Variants in ADAM8 observed in about 807,000 individuals in gnomAD.
ADAM8 encodes the protein ADAM metallopeptidase domain 8.
Under a neutral mutation model 102.4 loss-of-function variants are expected in ADAM8, and 104 were observed. That is an observed-to-expected ratio of 1.02 (90% CI 0.87 to 1.20). ADAM8 has a LOEUF of 1.20. Ranked by LOEUF, ADAM8 falls within the 50% of genes most tolerant of loss-of-function variation. The pLI is 0.00. For missense variants in ADAM8, 1,132 were observed against 1,159.0 expected (o/e 0.98, Z 0.34); for synonymous variants, 517 against 485.2 (o/e 1.07, Z -0.86).
chr10:133,263,747 C>G lies in ADAM8; in HGVS notation c.2338G>C (p.Ala780Pro), dbSNP rs61733287. 3.8e-5 allele frequency: 59 copies of G among 1,569,590 alleles called. No homozygotes were observed. Among genetic ancestry groups the G allele is most frequent in the Non-Finnish European group, 4.5e-5 (52 of 1,157,784 alleles). ...APKQVIKPTF[A>P]PPVPPVKPGA... ...GGTTTGACTGGGGGCACTGGGGGTG[C>G]GAACGTTGGCTTGATGACCTGGGAG... Residue 780 changes from alanine (A) to proline (P), a missense_variant, in exon 22 of 23, where the codon GCA (alanine) becomes CCA (proline). Transcript: ENST00000445355.
In ADAM8 at chr10:133,271,541, C is replaced by G. The variant is rs959695878; in HGVS notation, c.1271G>C (p.Cys424Ser). The G allele has an allele frequency of 1.3e-6, 2 of 1,556,478 alleles. No individual in the cohort carries two copies. Among genetic ancestry groups the G allele is most frequent in the African/African-American group, 2.7e-5 (2 of 73,982 alleles). The stretch of plus-strand genomic sequence containing the variant: ...GCATGGACGCACCTCGGGGGGGCCG[C>G]AGTCGCACTGCTCCCCACGCTCCAC... ...LFVERGEQCD[C>S]GPPEDCRNRC... Residue 424 changes from cysteine to serine, a missense_variant, in exon 12 of 23, where the codon TGC becomes TCC. Transcript: ENST00000445355.
At position 133,271,883 on chromosome 10, in the gene ADAM8, G is replaced by T. The variant is rs755708431; in HGVS notation, c.1029C>A (p.Asp343Glu). 1 of 1,612,750 alleles carries T rather than the reference G, an allele frequency of 6.2e-7. No individual in the cohort carries two copies. The highest frequency in any genetic ancestry group is 8.5e-7 in the Non-Finnish European group (1 of 1,179,944). ...GGCAGCCCTGGACGTTCTCATCATG[G>T]TCCATGCCCAGGTTGTGGCCCATCT... The part of the protein sequence containing the change: ...AHEMGHNLGM[D>E]HDENVQGCRC... Residue 343 changes from aspartate (D) to glutamate (E), a missense_variant, in exon 11 of 23, where the codon GAC (aspartate) becomes GAA (glutamate). Coordinates refer to ENST00000445355, the MANE Select transcript of ADAM8 (RefSeq NM_001109.5).
intron 21 of ADAM8, among the ~76,000 whole-genome samples, chr10:133,265,741 T>A (rs1846306020): frequency 6.6e-6 from 1 of 151,104 alleles, no homozygotes; most frequent in Non-Finnish European, 1.5e-5. Context: ...GAGATTGCAG[T>A]GAGCTGAGAT....
At chr10:133,272,324 T>TTGCCCC in intron 9 of ADAM8, 50 bp from the exon 10 acceptor site, 2 of 1,430,738 alleles carry the variant, frequency 1.4e-6, no homozygotes, top group Non-Finnish European at 1.9e-6. Context: ...CCTCCCCACT[T>TTGCCCC]CCCTCCCACC....
At position 133,275,491 on chromosome 10, in the gene ADAM8, G is replaced by A. The variant is rs746493987; in HGVS notation, c.143C>T (p.Ser48Phe). ...PGPRVRRALP[S>F]HLGLHPERVS... Reference sequence around the variant, plus strand: ...AGGCCAGCTTAGACTCACCAAGTGGGAGGGCAGAGCTCGGCGGACTCGGGG... The same window carrying A: ...AGGCCAGCTTAGACTCACCAAGTGGAAGGGCAGAGCTCGGCGGACTCGGGG... Residue 48 changes from serine to phenylalanine, a missense_variant, in exon 2 of 23, where the codon TCC becomes TTC. Transcript: ENST00000445355. 103 of 1,535,072 alleles carry A rather than the reference G, an allele frequency of 6.7e-5. 2 individuals are homozygous for A. The South Asian group carries it at 1.1e-3, about 17-fold the overall frequency.
chr10:133,264,058 CTTTTTTTT>C (rs3058139), intron 21 of ADAM8, among the ~76,000 whole-genome samples: 6 of 84,042 alleles, frequency 7.1e-5, no homozygotes, highest in South Asian at 1.0e-3. Flanking sequence ...TTTTCCTTTC[CTTTTTTTT>C]TTTTTTTTTT....
In ADAM8 at chr10:133,275,584, A is replaced by G; in HGVS notation, c.50T>C (p.Ile17Thr). Reference sequence around the variant, plus strand: ...GAGGGCCCAGGGCCGGCTGGGGGCAATCGCTGCAGGAGGGAGGGTCAGCAG... The same window carrying G: ...GAGGGCCCAGGGCCGGCTGGGGGCAGTCGCTGCAGGAGGGAGGGTCAGCAG... ...WLLGAMMLPA[I>T]APSRPWALME... is the part of the protein sequence containing the mutation. Residue 17 changes from isoleucine (I) to threonine (T), a missense_variant, in exon 2 of 23, where the codon ATT (isoleucine) becomes ACT (threonine). Ile to Thr is a moderately conservative substitution (Grantham distance 89). Coordinates refer to ENST00000445355, the MANE Select transcript of ADAM8 (RefSeq NM_001109.5). 6.7e-7 allele frequency: 1 copy of G among 1,488,308 alleles called. No individual in the cohort carries two copies. Among genetic ancestry groups the G allele is most frequent in the Non-Finnish European group, 8.9e-7 (1 of 1,121,436 alleles). The allele number at this position is 1,488,308 out of a possible 1,614,324, so 92.2% of individuals were successfully genotyped here.
Position 133,269,896 on chromosome 10 carries a change from C to A in ADAM8, c.1863+1G>T. ...GCCCTGTCCCGAGAGGCCACACATA[C>A]CCCATGGTTGTGGCACTGGGCAGAG... On this transcript the variant is annotated splice_donor_variant, in intron 17 of 22. Coordinates refer to ENST00000445355, the MANE Select transcript of ADAM8 (RefSeq NM_001109.5). LOFTEE classifies it high-confidence loss of function. 6.2e-7 allele frequency: 1 copy of A among 1,612,656 alleles called. No individual in the cohort carries two copies. Among genetic ancestry groups the A allele is most frequent in the African/African-American group, 1.3e-5 (1 of 75,062 alleles).
chr10:133,267,109 G>GGCGC (rs1846347020), intron 21 of ADAM8, among the ~76,000 whole-genome samples: 1 of 152,162 alleles, frequency 6.6e-6, no homozygotes, highest in Admixed American at 6.5e-5. Context: ...TGAGTGGAAG[G>GGCGC]AGAAGGAGCC....
chr10:133,272,365 G>GGCC, intron 9 of ADAM8, 51 bp downstream of exon 9: 10 of 408,782 alleles, frequency 2.4e-5, no homozygotes, highest in South Asian at 4.7e-5. Flanking sequence ...ACCCCACCCT[G>GGCC]CCCGCCCTCC....
In ADAM8 at chr10:133,272,183, G is replaced by A; in HGVS notation, c.957+10C>T. On this transcript the variant is annotated intron_variant, in intron 10 of 22. Transcript: ENST00000445355. ...CTCGGCCTGGCAAACCCGGGCAGGA[G>A]CCCCCTCACCTGGTTCACAGCCCCT... 1 of 1,549,802 alleles carries A rather than the reference G, an allele frequency of 6.5e-7. No individual in the cohort carries two copies. Among genetic ancestry groups the A allele is most frequent in the South Asian group, 1.2e-5 (1 of 84,040 alleles).
intron 18 of ADAM8, 125 bp downstream of exon 18, chr10:133,269,320 C>A: frequency 2.4e-6 from 3 of 1,262,962 alleles, no homozygotes; most frequent in Non-Finnish European, 3.2e-6. Flanking sequence ...TGTGTCGATG[C>A]CTGTGGCAGC....
Position 133,273,957 on chromosome 10 carries a change from G to C in ADAM8, c.300C>G (p.Arg100=). 6.2e-7 allele frequency: 1 copy of C among 1,600,802 alleles called. No individual in the cohort carries two copies. Among genetic ancestry groups the C allele is most frequent in the East Asian group, 2.2e-5 (1 of 44,518 alleles). The change falls in exon 4 of 23, where the codon CGC becomes CGG. Residue 100 remains arginine (R), a synonymous_variant. Coordinates refer to ENST00000445355, the MANE Select transcript of ADAM8 (RefSeq NM_001109.5). ...TGCTCCGCCCGACCCATACCTGCCC[G>C]CGAGGCTGCTCCGTCACCTCGGAGC... ...ANGSEVTEQP[R]GQDHCFYQGH...
intron 16 of ADAM8, 73 bp downstream of exon 16, chr10:133,270,287 C>A: frequency 6.6e-7 from 1 of 1,517,938 alleles, no homozygotes; most frequent in South Asian, 1.3e-5. Flanking sequence ...AGCTCAGAAA[C>A]GCATCTGCAC....
At position 133,272,533 on chromosome 10, in the gene ADAM8, T is replaced by G; in HGVS notation, c.758A>C (p.Asn253Thr). The G allele has an allele frequency of 1.2e-6, 2 of 1,612,120 alleles. No individual in the cohort carries two copies. The highest frequency in any genetic ancestry group is 1.7e-6 in the Non-Finnish European group (2 of 1,179,810). Residue 253 changes from asparagine (N) to threonine (T), a missense_variant, in exon 9 of 23, where the codon AAT becomes ACT. Asn to Thr is a moderately conservative substitution (Grantham distance 65, BLOSUM62 0). Transcript: ENST00000445355. ...GCTGACGTGGAACCTGTCCTGACTA[T>G]TCCAAATCTCCAGGCCCACCAGGAC... is the stretch of plus-strand genomic sequence containing the variant. Reference protein sequence around the residue: ...RVVLVGLEIWNSQDRFHVSPD... With the variant: ...RVVLVGLEIWTSQDRFHVSPD...
At position 133,271,693 on chromosome 10, in the gene ADAM8, G is replaced by C. The variant is rs1054102694; in HGVS notation, c.1119C>G (p.Pro373=). Residue 373 remains proline, a synonymous_variant, in exon 12 of 23, where the codon CCC becomes CCG. Transcript: ENST00000445355. ...CCTGGCTGCAGTCACTGAACATCCT[G>C]GGGAAACTGGAGCTGGGGAGGCGGG... is the stretch of plus-strand genomic sequence containing the variant. ...IMAGSIGSSF[P]RMFSDCSQAY... The C allele has an allele frequency of 8.9e-6, 14 of 1,581,562 alleles. No individual in the cohort carries two copies. The highest frequency in any genetic ancestry group is 1.2e-5 in the Non-Finnish European group (14 of 1,163,622).
In ADAM8 at chr10:133,263,878, C is replaced by G. The variant is rs539566871; in HGVS notation, c.2320-113G>C. 3.2e-6 allele frequency: 3 copies of G among 949,566 alleles called. No homozygotes were observed. In the South Asian group the frequency reaches 6.3e-5, roughly 20 times the overall value. The allele number at this position is 949,566 out of a possible 1,614,324, so 58.8% of individuals were successfully genotyped here. On this transcript the variant is annotated intron_variant, in intron 21 of 22. Transcript: ENST00000445355. ...GCTCCCCACAGACCTCGCTCTGCCC[C>G]CCAGGGAGCCTGCAGGCTCCGCCCC...
intron 19 of ADAM8, 35 bp downstream of exon 19, chr10:133,268,713 T>C: frequency 6.3e-7 from 1 of 1,586,750 alleles, no homozygotes; most frequent in Non-Finnish European, 8.6e-7. Flanking sequence ...CGGGAAGCAC[T>C]CGCCACCCTC....
rs1233306413 is a variant in ADAM8, at chr10:133,271,805, C to T, written c.1106+1G>A. 6.2e-7 allele frequency: 1 copy of T among 1,611,332 alleles called. No individual in the cohort carries two copies. Among genetic ancestry groups the T allele is most frequent in the Admixed American group, 1.7e-5 (1 of 59,942 alleles). Reference sequence around the variant, plus strand: ...GGCTCTGCAGGGCCTGGCCGCCTCACCCAATGCTGCCCGCCATGATGCAGC... The same window carrying T: ...GGCTCTGCAGGGCCTGGCCGCCTCATCCAATGCTGCCCGCCATGATGCAGC... On this transcript the variant is annotated splice_donor_variant, in intron 11 of 22. Coordinates refer to ENST00000445355, the MANE Select transcript of ADAM8 (RefSeq NM_001109.5). LOFTEE classifies it high-confidence loss of function.
Sources: gnomAD v4.1 joint callset for allele counts (sites outside exome capture counted in the v4.1 genomes callset) on GRCh38, gnomAD v4.1.1 for gene constraint, MANE v1.5 for transcripts, NCBI Gene and HGNC (gene_info 2026-07-23, HGNC 2026-07-21) for gene names.